The following NFU1 variants were observed in gnomAD, a reference collection of about 807,000 sequenced individuals.
The protein encoded by NFU1 is NFU1 iron-sulfur cluster scaffold homolog, mitochondrial.
Under a neutral mutation model 32.2 loss-of-function variants are expected in NFU1, and 30 were observed. That is an observed-to-expected ratio of 0.93 (90% confidence interval 0.70 to 1.26). The LOEUF is 1.26. Among genes scored for constraint, NFU1 ranks in the 50% most tolerant of loss-of-function variants. The pLI is 0.00. For synonymous variants in NFU1, 112 were observed against 104.6 expected, an observed-to-expected ratio of 1.07 and a Z score of -0.43; for missense variants, 306 against 306.6, an observed-to-expected ratio of 1.00 and a Z score of 0.02.
chr2:69,399,966 A>G (rs1464305116), intron 7 of NFU1, among the ~76,000 whole-genome samples: 2 of 151,504 alleles, frequency 1.3e-5, no homozygotes, highest in South Asian at 2.1e-4. Flanking sequence ...TCCGCCTCCC[A>G]GGTTCAAGCA....
intron 4 of NFU1, among the ~76,000 whole-genome samples, chr2:69,419,269 G>A (rs980183735): frequency 1.3e-5 from 2 of 152,106 alleles, no homozygotes; most frequent in Admixed American, 6.6e-5. Flanking sequence ...AGAGGTGGCA[G>A]TGAGCCAAGA....
intron 1 of NFU1, among the ~76,000 whole-genome samples, chr2:69,434,145 TTTTC>T (rs1192304615): frequency 6.6e-6 from 1 of 150,850 alleles, no homozygotes; most frequent in Admixed American, 6.6e-5. Context: ...TCACTTTTTT[TTTTC>T]TTTTTTTTTT....
intron 5 of NFU1, chr2:69,411,045 G>T (rs1269192400): frequency 1.3e-5 from 2 of 151,770 alleles, no homozygotes; most frequent in African/African-American, 4.8e-5. Flanking sequence ...AAAACAGGAA[G>T]GGGGGCAAAA....
At chr2:69,396,040 C>A, downstream of NFU1, 4 of 482,366 alleles carry the variant, frequency 8.3e-6, no homozygotes, top group African/African-American at 2.0e-5. Flanking sequence ...ATAAAAATAT[C>A]CTTGGATAAA....
In NFU1 at chr2:69,404,220, G is replaced by A. The variant is rs566209005; in HGVS notation, c.545+1802C>T. Among the ~76,000 whole-genome samples, 37 of 151,156 alleles carry A rather than the reference G, an allele frequency of 2.4e-4. No homozygotes were observed. The South Asian group carries it at 3.0e-3, about 12-fold the overall frequency. On this transcript the variant is annotated intron_variant, in intron 6 of 7. Coordinates refer to ENST00000410022, the MANE Select transcript of NFU1 (RefSeq NM_001002755.4). ...GTTTTGAAATATGTAGGCCGGGAGCGGTGACCCACGCCTGTAATCCCGGCA... is the reference window on the plus strand; with the variant it reads ...GTTTTGAAATATGTAGGCCGGGAGCAGTGACCCACGCCTGTAATCCCGGCA...
At chr2:69,399,256 G>T in intron 7 of NFU1, 3 of 340,742 alleles carry the variant, frequency 8.8e-6, no homozygotes, top group South Asian at 2.1e-5. Context: ...TCTGTGGGTT[G>T]GAAATTTCTA....
chr2:69,412,691 A>T (rs1672925802), intron 5 of NFU1, among the ~76,000 whole-genome samples: 1 of 151,964 alleles, frequency 6.6e-6, no homozygotes, highest in Middle Eastern at 3.2e-3. Context: ...AGCCAAAAAA[A>T]TTTTAAAAAT....
chr2:69,423,150 G>GTGTGTGTGTGTGTGTGTA (rs1239508781), intron 3 of NFU1, among the ~76,000 whole-genome samples: 1 of 98,646 alleles, frequency 1.0e-5, no homozygotes, highest in African/African-American at 4.2e-5. Context: ...CTAAATTTGT[G>GTGTGTGTGTGTGTGTGTA]TGTGTGTGTG....
upstream of NFU1, chr2:69,437,743 C>A: frequency 2.1e-6 from 1 of 480,908 alleles, no homozygotes; most frequent in South Asian, 2.0e-5. Flanking sequence ...CTTGCGAATG[C>A]TGTTTCCAGC....
chr2:69,399,758 T>G (rs1672455024), intron 7 of NFU1, among the ~76,000 whole-genome samples: 1 of 152,234 alleles, frequency 6.6e-6, no homozygotes, highest in African/African-American at 2.4e-5. Context: ...ATATGCCCTC[T>G]GAGTCTCTGT....
chr2:69,417,856 G>GAAA (rs796236251), intron 4 of NFU1, among the ~76,000 whole-genome samples: 1 of 124,008 alleles, frequency 8.1e-6, no homozygotes, highest in African/African-American at 2.9e-5. Flanking sequence ...AGAAAAATAG[G>GAAA]AAAAAAAAAA....
chr2:69,416,509 C>T (rs1440650374), intron 4 of NFU1, among the ~76,000 whole-genome samples: 1 of 149,258 alleles, frequency 6.7e-6, no homozygotes, highest in Non-Finnish European at 1.5e-5. Context: ...TTCCCATTCT[C>T]TTAAAAAAAA....
At chr2:69,404,819 C>T (rs1436897288) in intron 6 of NFU1, among the ~76,000 whole-genome samples, 4 of 151,114 alleles carry the variant, frequency 2.6e-5, no homozygotes, top group Non-Finnish European at 4.4e-5. Flanking sequence ...GGGGTTTCAA[C>T]ATGTTGGCCA....
At chr2:69,413,318 T>A (rs1466168799) in intron 5 of NFU1, among the ~76,000 whole-genome samples, 1 of 136,986 alleles carries the variant, frequency 7.3e-6, no homozygotes, top group Non-Finnish European at 1.5e-5. Flanking sequence ...CAAGGTACCA[T>A]TGTATACCCA....
intron 1 of NFU1, among the ~76,000 whole-genome samples, chr2:69,436,229 C>T (rs1408724898): frequency 6.6e-6 from 1 of 152,138 alleles, no homozygotes; most frequent in Non-Finnish European, 1.5e-5. Flanking sequence ...CATAAATAAT[C>T]CAGAGAATCC....
chr2:69,431,573 C>T (rs921094364), intron 2 of NFU1, among the ~76,000 whole-genome samples: 1 of 152,160 alleles, frequency 6.6e-6, no homozygotes. Flanking sequence ...TCTCAAAGTA[C>T]TGGGATTACA....
chr2:69,416,904 C>CA (rs1252166044), intron 4 of NFU1, among the ~76,000 whole-genome samples: 3 of 151,084 alleles, frequency 2.0e-5, no homozygotes, highest in Admixed American at 2.0e-4. Context: ...TCTCAAAAAA[C>CA]AAAAAAAGGA....
At chr2:69,412,800 G>C (rs1026088712) in intron 5 of NFU1, among the ~76,000 whole-genome samples, 1 of 148,350 alleles carries the variant, frequency 6.7e-6, no homozygotes, top group African/African-American at 2.5e-5. Context: ...TGAGGATGTA[G>C]TGAGCCATGA....
chr2:69,433,522 C>G (rs1177555217), intron 1 of NFU1, among the ~76,000 whole-genome samples: 1 of 151,938 alleles, frequency 6.6e-6, no homozygotes, highest in East Asian at 1.9e-4. Flanking sequence ...GTCGCCCACG[C>G]TGGAGTGCAG....
Sources: gnomAD v4.1 joint callset for allele counts (sites outside exome capture counted in the v4.1 genomes callset) on GRCh38, gnomAD v4.1.1 for gene constraint, MANE v1.5 for transcripts, NCBI Gene and HGNC (gene_info 2026-07-23, HGNC 2026-07-21) for gene names.